Variants in NELL1 observed in about 807,000 individuals in gnomAD.
The protein encoded by NELL1 is protein kinase C-binding protein NELL1.
In NELL1, 76 loss-of-function variants were observed where a neutral mutation model predicts 107.4. That is an observed-to-expected ratio of 0.71 (90% CI 0.59 to 0.86). The LOEUF (loss-of-function observed/expected upper bound fraction) is 0.86, where lower values mean the gene tolerates loss of function less well. Ranked by LOEUF, NELL1 falls within the 40% of genes least tolerant of loss-of-function variation. The probability of loss-of-function intolerance (pLI) is 0.00; values close to 1 mark genes in which losing one functional copy is unlikely to be tolerated. For missense variants in NELL1, 1,024 were observed against 1,005.5 expected (o/e 1.02, Z -0.25); for synonymous variants, 353 against 341.2 (o/e 1.03, Z -0.38).
intron 16 of NELL1, among the ~76,000 whole-genome samples, chr11:21,551,416 T>C (rs1564956044): frequency 6.6e-6 from 1 of 152,032 alleles, no homozygotes; most frequent in Non-Finnish European, 1.5e-5. Context: ...CCCTGTCTTG[T>C]GCCAGTTTTC....
chr11:21,290,243 C>A (rs2133958473), intron 14 of NELL1, among the ~76,000 whole-genome samples: 1 of 152,002 alleles, frequency 6.6e-6, no homozygotes. Context: ...GTGGTGGGTG[C>A]CTGTAGTCCC....
At chr11:21,212,382 A>C (rs1857516489) in intron 13 of NELL1, among the ~76,000 whole-genome samples, 1 of 152,210 alleles carries the variant, frequency 6.6e-6, no homozygotes. Flanking sequence ...AAAGTGACTA[A>C]TTTCTGAAAA....
chr11:20,675,291 A>T (rs1854025670), intron 1 of NELL1, among the ~76,000 whole-genome samples: 1 of 152,222 alleles, frequency 6.6e-6, no homozygotes, highest in South Asian at 2.1e-4. Flanking sequence ...CACTCAGTAA[A>T]GGCTGTGGAT....
chr11:21,558,058 C>G (rs1371369229), intron 16 of NELL1, among the ~76,000 whole-genome samples: 1 of 151,798 alleles, frequency 6.6e-6, no homozygotes, highest in African/African-American at 2.4e-5. Context: ...GACTGTCTTG[C>G]CATATAAGAG....
intron 14 of NELL1, chr11:21,284,495 G>A (rs1398779369): frequency 1.1e-5 from 5 of 459,448 alleles, no homozygotes; most frequent in Non-Finnish European, 2.2e-5. Flanking sequence ...CCAGTGCTGT[G>A]GGGGAGGTGG....
intron 15 of NELL1, among the ~76,000 whole-genome samples, chr11:21,494,085 G>T (rs1854908999): frequency 6.6e-6 from 1 of 151,904 alleles, no homozygotes; most frequent in Non-Finnish European, 1.5e-5. Context: ...TTTTACCAAA[G>T]CCATTTACAT....
At chr11:21,127,373 A>C (rs550754534) in intron 13 of NELL1, among the ~76,000 whole-genome samples, 2 of 152,262 alleles carry the variant, frequency 1.3e-5, no homozygotes, top group East Asian at 3.9e-4. Flanking sequence ...AAGTGGGAGA[A>C]TCATTGAGGC....
intron 13 of NELL1, among the ~76,000 whole-genome samples, chr11:21,161,625 T>C (rs1460758084): frequency 6.6e-6 from 1 of 152,190 alleles, no homozygotes; most frequent in Non-Finnish European, 1.5e-5. Flanking sequence ...CAAATATAAT[T>C]ATATGTGTGT....
At chr11:20,815,181 C>T (rs906853884) in intron 3 of NELL1, among the ~76,000 whole-genome samples, 1 of 152,174 alleles carries the variant, frequency 6.6e-6, no homozygotes, top group African/African-American at 2.4e-5. Context: ...TCTCCTGCCT[C>T]AGCCTCCCAA....
At chr11:20,998,803 A>C (rs570219334) in intron 12 of NELL1, among the ~76,000 whole-genome samples, 1 of 152,306 alleles carries the variant, frequency 6.6e-6, no homozygotes, top group East Asian at 1.9e-4. Flanking sequence ...GATTAAATTC[A>C]ATCTATATAA....
chr11:20,909,164 G>A (rs895455562), intron 5 of NELL1, among the ~76,000 whole-genome samples: 1 of 152,168 alleles, frequency 6.6e-6, no homozygotes, highest in South Asian at 2.1e-4. Context: ...ATGGTTAACA[G>A]GGGATGGTGG....
intron 2 of NELL1, among the ~76,000 whole-genome samples, chr11:20,777,125 G>C (rs1366349297): frequency 1.3e-5 from 2 of 152,222 alleles, no homozygotes; most frequent in Non-Finnish European, 2.9e-5. Flanking sequence ...ACAGTTAAGA[G>C]TGTAGCTCAT....
intron 3 of NELL1, among the ~76,000 whole-genome samples, chr11:20,804,450 G>T (rs565662165): frequency 6.6e-6 from 1 of 152,256 alleles, no homozygotes; most frequent in African/African-American, 2.4e-5. Flanking sequence ...TGGCCAGGCT[G>T]GTCTTGAACT....
At chr11:20,729,562 C>T (rs139543129) in intron 2 of NELL1, among the ~76,000 whole-genome samples, 2 of 152,186 alleles carry the variant, frequency 1.3e-5, no homozygotes, top group Non-Finnish European at 1.5e-5. Context: ...ATATTGAGAT[C>T]ATATGATTTT....
intron 5 of NELL1, among the ~76,000 whole-genome samples, chr11:20,905,968 T>C (rs1437779736): frequency 6.6e-6 from 1 of 152,082 alleles, no homozygotes; most frequent in African/African-American, 2.4e-5. Flanking sequence ...AACTCAAAGG[T>C]ATCCACACTG....
At chr11:21,342,489 A>G (rs750914929) in intron 14 of NELL1, among the ~76,000 whole-genome samples, 1 of 151,210 alleles carries the variant, frequency 6.6e-6, no homozygotes, top group Non-Finnish European at 1.5e-5. Flanking sequence ...TACACATTAT[A>G]AACAAATTAG....
At chr11:20,915,904 T>C (rs1850245384) in intron 5 of NELL1, among the ~76,000 whole-genome samples, 1 of 151,130 alleles carries the variant, frequency 6.6e-6, no homozygotes, top group Admixed American at 6.6e-5. Context: ...TGATTCTTAT[T>C]CTGGGGAAGG....
At chr11:21,434,586 T>G (rs1408195835) in intron 15 of NELL1, among the ~76,000 whole-genome samples, 1 of 152,196 alleles carries the variant, frequency 6.6e-6, no homozygotes, top group African/African-American at 2.4e-5. Flanking sequence ...CTGTTTTGTT[T>G]ACTACAGCTT....
intron 4 of NELL1, among the ~76,000 whole-genome samples, chr11:20,853,054 A>C (rs1330066309): frequency 6.6e-6 from 1 of 152,210 alleles, no homozygotes. Flanking sequence ...GACAATCTCT[A>C]CAGCTTTATA....
Sources: allele counts gnomAD v4.1 joint callset (sites outside exome capture counted in the v4.1 genomes callset), GRCh38; gene constraint gnomAD v4.1.1; transcripts MANE v1.5; gene names NCBI Gene and HGNC (gene_info 2026-07-23, HGNC 2026-07-21).